Variants in DESI2 observed in about 807,000 individuals in gnomAD.
DESI2 encodes desumoylating isopeptidase 2.
A neutral mutation model predicts 24.1 loss-of-function variants in DESI2; 10 were observed. That is an observed-to-expected ratio of 0.41 (90% CI 0.26 to 0.70). DESI2 has a LOEUF of 0.70. Among genes scored for constraint, DESI2 ranks in the 30% least tolerant of loss-of-function variants. DESI2 has a pLI of 0.29. For missense variants in DESI2, 122 were observed against 234.9 expected (o/e 0.52, Z 3.14); for synonymous variants, 71 against 87.7 (o/e 0.81, Z 1.06).
intron 4 of DESI2, among the ~76,000 whole-genome samples, chr1:244,703,862 G>A (rs1677582598): frequency 6.6e-6 from 1 of 152,050 alleles, no homozygotes; most frequent in South Asian, 2.1e-4. Context: ...GTTTCACTGT[G>A]TTAGCCAGGA....
chr1:244,669,988 G>A (rs1237008388), intron 1 of DESI2, among the ~76,000 whole-genome samples: 3 of 148,748 alleles, frequency 2.0e-5, no homozygotes, highest in African/African-American at 5.0e-5. Context: ...AGGGAGTTTC[G>A]CTCTTGTTCC....
Position 244,691,895 on chromosome 1 carries a change from G to T in DESI2, c.226G>T (p.Gly76Trp). Residue 76 changes from glycine to tryptophan, a missense_variant, in exon 4 of 5, where the codon GGG (glycine) becomes TGG (tryptophan). By Grantham distance (184) the Gly-to-Trp change is radical. Transcript: ENST00000302550. ...TTCTTTAAGAGAAGCTGTTGTTTTA[G>T]GGAGCACGGACTTCCTAGAAGATGA... The part of the protein sequence containing the change: ...TFKFKEAVVL[G>W]STDFLEDDIE... 1 of 1,572,000 alleles carries T rather than the reference G, an allele frequency of 6.4e-7. No homozygotes were observed.
chr1:244,655,731 A>G (rs1474823933), intron 1 of DESI2, among the ~76,000 whole-genome samples: 2 of 152,272 alleles, frequency 1.3e-5, no homozygotes, highest in South Asian at 4.1e-4. Context: ...CCACAAGGAC[A>G]GAGAACAATT....
chr1:244,686,513 G>C, intron 1 of DESI2, 84 bp from the exon 2 acceptor site: 1 of 843,982 alleles, frequency 1.2e-6, no homozygotes, highest in South Asian at 1.4e-5. Context: ...CAGAGTGAAA[G>C]ACTGGGGAGC....
chr1:244,699,838 A>G (rs1036244754), intron 4 of DESI2, among the ~76,000 whole-genome samples: 2 of 152,184 alleles, frequency 1.3e-5, no homozygotes, highest in Non-Finnish European at 2.9e-5. Flanking sequence ...CTTCCCTAAA[A>G]ACTTCCATGC....
chr1:244,667,133 AAC>A (rs1676074884), intron 1 of DESI2, among the ~76,000 whole-genome samples: 1 of 152,092 alleles, frequency 6.6e-6, no homozygotes, highest in Non-Finnish European at 1.5e-5. Context: ...CACATTTCAA[AAC>A]CAATCATACC....
At chr1:244,700,915 T>TA (rs1362390773) in intron 4 of DESI2, among the ~76,000 whole-genome samples, 2 of 152,248 alleles carry the variant, frequency 1.3e-5, no homozygotes, top group East Asian at 1.9e-4. Flanking sequence ...ACTTAATAGA[T>TA]ACAGTAAAAT....
At chr1:244,665,667 T>C (rs930723014) in intron 1 of DESI2, among the ~76,000 whole-genome samples, 1 of 152,200 alleles carries the variant, frequency 6.6e-6, no homozygotes, top group East Asian at 1.9e-4. Context: ...CCCTTCAAAA[T>C]ATGGATGGGC....
At chr1:244,673,298 C>G (rs1223751541) in intron 1 of DESI2, among the ~76,000 whole-genome samples, 1 of 152,210 alleles carries the variant, frequency 6.6e-6, no homozygotes, top group East Asian at 1.9e-4. Context: ...GGCTTACCCT[C>G]TTTTCCTCTG....
chr1:244,684,571 G>C (rs528111145), intron 1 of DESI2, among the ~76,000 whole-genome samples: 1 of 151,504 alleles, frequency 6.6e-6, no homozygotes, highest in African/African-American at 2.4e-5. Flanking sequence ...AATATCTATC[G>C]AGTTACCTCA....
chr1:244,667,049 A>G (rs1260317289), intron 1 of DESI2, among the ~76,000 whole-genome samples: 3 of 152,112 alleles, frequency 2.0e-5, no homozygotes, highest in Non-Finnish European at 4.4e-5. Flanking sequence ...GAGATACAAT[A>G]CAAGTTGAGA....
chr1:244,656,756 TAAC>T (rs1175686975), intron 1 of DESI2, among the ~76,000 whole-genome samples: 1 of 152,232 alleles, frequency 6.6e-6, no homozygotes, highest in African/African-American at 2.4e-5. Context: ...TTCATTGTGT[TAAC>T]AAGTTTCTAC....
intron 3 of DESI2, among the ~76,000 whole-genome samples, chr1:244,691,480 T>G (rs1677030344): frequency 1.3e-5 from 2 of 152,256 alleles, no homozygotes; most frequent in African/African-American, 2.4e-5. Flanking sequence ...TGTTTCTAGG[T>G]GACATTATGG....
intron 1 of DESI2, among the ~76,000 whole-genome samples, chr1:244,669,010 C>G (rs1242870522): frequency 6.6e-6 from 1 of 151,900 alleles, no homozygotes; most frequent in Non-Finnish European, 1.5e-5. Flanking sequence ...TTGAAAGGCC[C>G]TTTTTTGTGA....
At chr1:244,691,801 T>TA in intron 3 of DESI2, 78 bp from the exon 4 acceptor site, 1 of 1,173,604 alleles carries the variant, frequency 8.5e-7, no homozygotes, top group Non-Finnish European at 1.2e-6. Flanking sequence ...AGCAAGTATT[T>TA]AAACATGCTT....
chr1:244,654,353 A>C (rs187331876), intron 1 of DESI2, among the ~76,000 whole-genome samples: 12 of 152,368 alleles, frequency 7.9e-5, no homozygotes, highest in Admixed American at 6.5e-4. Flanking sequence ...GTTGGCTTAA[A>C]GATGCAGGAG....
intron 1 of DESI2, among the ~76,000 whole-genome samples, chr1:244,657,230 G>T (rs1360590070): frequency 6.6e-6 from 1 of 152,180 alleles, no homozygotes; most frequent in African/African-American, 2.4e-5. Flanking sequence ...AGGGTGTCAG[G>T]TCAGGCAGGT....
chr1:244,661,183 C>T (rs1339108498), intron 1 of DESI2, among the ~76,000 whole-genome samples: 1 of 152,168 alleles, frequency 6.6e-6, no homozygotes, highest in African/African-American at 2.4e-5. Context: ...ATTTCTCCCT[C>T]CCCTCAGTCC....
chr1:244,669,699 T>G (rs570926525), intron 1 of DESI2, among the ~76,000 whole-genome samples: 1 of 152,090 alleles, frequency 6.6e-6, no homozygotes, highest in Non-Finnish European at 1.5e-5. Flanking sequence ...AAAAAGAAAC[T>G]AGACTTCAGT....
Sources: gnomAD v4.1 joint callset for allele counts (sites outside exome capture counted in the v4.1 genomes callset) on GRCh38, gnomAD v4.1.1 for gene constraint, MANE v1.5 for transcripts, NCBI Gene and HGNC (gene_info 2026-07-23, HGNC 2026-07-21) for gene names.